NAV1: variants seen among roughly 807,000 people sequenced by gnomAD.
NAV1 encodes neuron navigator 1.
A neutral mutation model predicts 175.2 loss-of-function variants in NAV1; 18 were observed. The observed-to-expected ratio is 0.10, with a 90% CI of 0.07 to 0.15. NAV1 has a LOEUF of 0.15. Among genes scored for constraint, NAV1 ranks in the 10% least tolerant of loss-of-function variants. The pLI, the probability that NAV1 is intolerant of heterozygous loss-of-function variation, is 1.00. For synonymous variants in NAV1, 897 were observed against 978.7 expected (o/e 0.92, Z 1.56); for missense variants, 1,731 against 2,436.6 (o/e 0.71, Z 6.10).
At chr1:201,797,040 G>A (rs910866848) in intron 15 of NAV1, 3 of 152,108 alleles carry the variant, frequency 2.0e-5, no homozygotes, top group African/African-American at 7.2e-5. Context: ...TGTGCTTTAG[G>A]TGCTGTATCT....
At chr1:201,604,680 G>GA (rs747665244) in intron 2 of NAV1, among the ~76,000 whole-genome samples, 2,241 of 52,520 alleles carry the variant, frequency 0.043, 26 homozygotes, top group African/African-American at 0.081. Context: ...GACTCTGTCA[G>GA]AAAAAAAAAA....
chr1:201,552,781 T>C (rs956725907), intron 1 of NAV1, among the ~76,000 whole-genome samples: 4 of 152,144 alleles, frequency 2.6e-5, no homozygotes, highest in African/African-American at 9.7e-5. Context: ...GGCAAAGGGA[T>C]GGAGCGAAGT....
At chr1:201,546,987 G>A (rs998034341) in intron 1 of NAV1, among the ~76,000 whole-genome samples, 13 of 145,998 alleles carry the variant, frequency 8.9e-5, no homozygotes, top group African/African-American at 2.5e-4. Flanking sequence ...AAAGAACAAG[G>A]ACATTTTTTT....
chr1:201,595,965 A>T (rs1049233411), intron 2 of NAV1, among the ~76,000 whole-genome samples: 1 of 152,204 alleles, frequency 6.6e-6, no homozygotes. Flanking sequence ...CTCATACCAG[A>T]GATGCTGTGG....
intron 2 of NAV1, among the ~76,000 whole-genome samples, chr1:201,598,536 G>T (rs1464140567): frequency 6.6e-6 from 1 of 152,238 alleles, no homozygotes; most frequent in African/African-American, 2.4e-5. Context: ...AACTGCCTGA[G>T]TTAGGGTGGT....
In NAV1 at chr1:201,666,816, T is replaced by G. The variant is rs565367735; in HGVS notation, c.757+17391T>G. 3.9e-5 allele frequency among the ~76,000 whole-genome samples: 6 copies of G among 152,102 alleles called. No homozygotes were observed. The South Asian group carries it at 1.0e-3, about 26-fold the overall frequency. ...GGCCTGCAGATTCAAGGACTTGGGG[T>G]TTCTGGGAGGCAGGGAAGTATGGGG... is the stretch of plus-strand genomic sequence containing the variant. On this transcript the variant is annotated intron_variant, in intron 1 of 29. Coordinates refer to ENST00000367296, the Ensembl canonical transcript of NAV1.
intron 3 of NAV1, among the ~76,000 whole-genome samples, chr1:201,751,662 A>AGAAC (rs1390583097): frequency 3.3e-5 from 5 of 152,250 alleles, no homozygotes; most frequent in African/African-American, 1.2e-4. Context: ...AAAACTGAGT[A>AGAAC]GAACATCTGC....
At chr1:201,692,470 G>A (rs1385218355) in intron 1 of NAV1, among the ~76,000 whole-genome samples, 1 of 152,186 alleles carries the variant, frequency 6.6e-6, no homozygotes, top group Non-Finnish European at 1.5e-5. Context: ...CCTTTCCAGG[G>A]AAAATCACTG....
exon 30 of NAV1, chr1:201,822,563 C>T (rs1215929875): frequency 6.6e-6 from 1 of 152,582 alleles, no homozygotes; most frequent in Non-Finnish European, 1.5e-5. Flanking sequence ...ACCATGGATA[C>T]CACCATGAAT....
chr1:201,597,776 G>A (rs904623578), intron 2 of NAV1, among the ~76,000 whole-genome samples: 5 of 152,220 alleles, frequency 3.3e-5, no homozygotes, highest in Admixed American at 1.3e-4. Context: ...CTGTTTCCTT[G>A]GCAGCTGTGT....
In NAV1 at chr1:201,706,254, G is replaced by GGTGTGT. The variant is rs71138350; in HGVS notation, c.758-6542_758-6537dup. Among the ~76,000 whole-genome samples the GGTGTGT allele has an allele frequency of 9.6e-4, 143 of 148,856 alleles. 1 individual carries two copies. The highest frequency in any genetic ancestry group is 1.5e-3 in the South Asian group (7 of 4,658). On this transcript the variant is annotated intron_variant, in intron 1 of 29. Transcript: ENST00000367296. ...CTCTTTTTGGGAGTTATTAAGAAGGGGTGTGTGTGTGTGTGTGTGTGTGTG... is the reference window on the plus strand; with the variant it reads ...CTCTTTTTGGGAGTTATTAAGAAGGGGTGTGTGTGTGTGTGTGTGTGTGTGTGTGTG...
intron 2 of NAV1, among the ~76,000 whole-genome samples, chr1:201,642,313 C>T (rs188955665): frequency 1.3e-5 from 2 of 151,714 alleles, no homozygotes; most frequent in East Asian, 2.0e-4. Context: ...CCCGGGTTCA[C>T]ACCATTCTCC....
chr1:201,769,799 T>C (rs1558144512), intron 3 of NAV1, among the ~76,000 whole-genome samples: 2 of 152,170 alleles, frequency 1.3e-5, no homozygotes, highest in South Asian at 4.1e-4. Flanking sequence ...AAAACCAGCC[T>C]ATTGTACCGC....
At chr1:201,614,360 T>G (rs1667940398) in intron 2 of NAV1, among the ~76,000 whole-genome samples, 1 of 152,202 alleles carries the variant, frequency 6.6e-6, no homozygotes, top group Non-Finnish European at 1.5e-5. Flanking sequence ...CGCCGCCCAG[T>G]GTGCCCCCAA....
At chr1:201,735,512 C>T (rs1673082105) in intron 3 of NAV1, among the ~76,000 whole-genome samples, 1 of 152,184 alleles carries the variant, frequency 6.6e-6, no homozygotes. Context: ...CACATTCATG[C>T]ATGAGGAACT....
At chr1:201,560,509 C>T (rs1217319364) in intron 1 of NAV1, among the ~76,000 whole-genome samples, 1 of 152,162 alleles carries the variant, frequency 6.6e-6, no homozygotes, top group African/African-American at 2.4e-5. Context: ...AGGCAAGAGC[C>T]CAGTGACCCT....
rs1162421111 is a variant in NAV1 at position 201,666,116 on chromosome 1, C to T, written c.757+16691C>T. Reference sequence around the variant, plus strand: ...GAGGGAATGAGCCCCAGAATCCCACCATTCTCATAAACAGCCCACCGCTCT... The same window carrying T: ...GAGGGAATGAGCCCCAGAATCCCACTATTCTCATAAACAGCCCACCGCTCT... On this transcript the variant is annotated intron_variant, in intron 1 of 29. Transcript: ENST00000367296. 2.6e-5 allele frequency among the ~76,000 whole-genome samples: 4 copies of T among 152,102 alleles called. No individual in the cohort carries two copies. The East Asian group carries it at 7.8e-4, about 30-fold the overall frequency.
intron 1 of NAV1, among the ~76,000 whole-genome samples, chr1:201,701,412 T>TAAAAAAAAAA (rs969642968): frequency 1.6e-5 from 1 of 63,460 alleles, no homozygotes; most frequent in Non-Finnish European, 4.1e-5. Context: ...TAAAGTATAA[T>TAAAAAAAAAA]AAAAAAAATA....
intron 2 of NAV1, among the ~76,000 whole-genome samples, chr1:201,609,967 T>G (rs544130526): frequency 7.2e-5 from 11 of 152,322 alleles, no homozygotes; most frequent in African/African-American, 2.6e-4. Flanking sequence ...CTCTAAGCTC[T>G]GATTTGCATT....
Sources: allele counts gnomAD v4.1 joint callset (sites outside exome capture counted in the v4.1 genomes callset), GRCh38; gene constraint gnomAD v4.1.1; transcripts MANE v1.5; gene names NCBI Gene and HGNC (gene_info 2026-07-23, HGNC 2026-07-21).